Variants in REEP5 observed in about 807,000 individuals in gnomAD.
REEP5 encodes receptor expression-enhancing protein 5.
A neutral mutation model predicts 22.4 loss-of-function variants in REEP5; 24 were observed. That is an observed-to-expected ratio of 1.07 (90% confidence interval 0.78 to 1.51). REEP5 has a LOEUF of 1.51. REEP5 is among the 40% of genes most tolerant of loss of function. REEP5 has a pLI of 0.00. For missense variants in REEP5, 252 were observed against 233.0 expected, an observed-to-expected ratio of 1.08 and a Z score of -0.53; for synonymous variants, 103 against 88.6, an observed-to-expected ratio of 1.16 and a Z score of -0.92.
In REEP5 at chr5:112,876,905, A is replaced by ACTT. The variant is rs1767911400; in HGVS notation, c.*1878_*1880dup. 6.6e-6 allele frequency: 1 copy of ACTT among 152,164 alleles called. No individual in the cohort carries two copies. Among genetic ancestry groups the ACTT allele is most frequent in the African/African-American group, 2.4e-5 (1 of 41,452 alleles). 9.4% of individuals were successfully genotyped at this position (152,164 alleles called of 1,614,324 possible). A position where few individuals can be genotyped will look rare whatever the true frequency, so the allele number is the denominator to read the frequency against. ...CTGTAAGTCATTATGAGCAATAGTAACTTTTGTACCTCCTCATCTTGTCTG... is the reference window on the plus strand; with the variant it reads ...CTGTAAGTCATTATGAGCAATAGTAACTTCTTTTGTACCTCCTCATCTTGTCTG... On this transcript the variant is annotated 3_prime_UTR_variant, in exon 5 of 5. Transcript: ENST00000379638.
chr5:112,892,171 C>T (rs781707380), intron 3 of REEP5: 35 of 1,614,062 alleles, frequency 2.2e-5, no homozygotes, highest in Non-Finnish European at 2.8e-5. Flanking sequence ...AGCTAATTGT[C>T]CCTTCTACAG....
Position 112,922,037 on chromosome 5 carries a change from TGGCCCTACCAGCGGCGGCGACCCCC to T in REEP5, c.118+11_118+35del. On this transcript the variant is annotated intron_variant, in intron 1 of 4. Coordinates refer to ENST00000379638, the MANE Select transcript of REEP5 (RefSeq NM_005669.5). ...GCAGCTGGGGCAGCGGCGGCTCCCG[TGGCCCTACCAGCGGCGGCGACCCCC>T]GGCCACCCACCAAGAGCGATGAAGC... The T allele has an allele frequency of 6.4e-7, 1 of 1,573,622 alleles. No homozygotes were observed. Among genetic ancestry groups the T allele is most frequent in the Non-Finnish European group, 8.6e-7 (1 of 1,161,006 alleles).
intron 2 of REEP5, among the ~76,000 whole-genome samples, chr5:112,906,940 G>C (rs1219099882): frequency 1.3e-5 from 2 of 152,298 alleles, no homozygotes; most frequent in East Asian, 3.9e-4. Context: ...GGCCAAAAGA[G>C]AAGAAAAGTT....
At position 112,889,299 on chromosome 5, in the gene REEP5, T is replaced by C. The variant is rs187516038; in HGVS notation, c.352-2116A>G. Among the ~76,000 whole-genome samples, 13 of 151,040 alleles carry C rather than the reference T, an allele frequency of 8.6e-5. 2 individuals are homozygous for C. In the East Asian group the frequency reaches 2.0e-3, roughly 23 times the overall value. On this transcript the variant is annotated intron_variant, in intron 3 of 4. Transcript: ENST00000379638. ...TTTTATAAAACCCCAAAACTATAGC[T>C]GTATGCTTAAGAAACATACCTACAA...
chr5:112,919,021 G>A (rs563151448), intron 2 of REEP5, among the ~76,000 whole-genome samples: 3 of 152,334 alleles, frequency 2.0e-5, no homozygotes, highest in African/African-American at 7.2e-5. Flanking sequence ...TATCTAAAGT[G>A]CTACCACAGT....
At chr5:112,891,628 G>C in intron 3 of REEP5, 2 of 1,592,304 alleles carry the variant, frequency 1.3e-6, no homozygotes, top group South Asian at 1.1e-5. Context: ...GGGGTCAGGC[G>C]GTGCTGGCAA....
rs553914342 is a variant in REEP5, at chr5:112,878,834, C to T, written c.522G>A (p.Ala174=). ...CCAGTAAATTCACGGTAGCTTTCTT[C>T]GCTGTTTGTTTGTTAGGAGGGAAAG... The part of the protein sequence containing the change: ...KETADAITKE[A]KKATVNLLGE... The change falls in exon 5 of 5, where the codon GCG becomes GCA. Residue 174 remains alanine, a splice_region_variant and synonymous_variant. Transcript: ENST00000379638. 1.8e-5 allele frequency: 29 copies of T among 1,613,832 alleles called. No homozygotes were observed. The highest frequency in any genetic ancestry group is 1.6e-4 in the Middle Eastern group (1 of 6,084).
At chr5:112,885,885 A>C (rs906262577) in intron 4 of REEP5, 1 of 193,780 alleles carries the variant, frequency 5.2e-6, no homozygotes, top group African/African-American at 2.4e-5. Flanking sequence ...GTGAAGGAAG[A>C]CTTTGTGGAA....
chr5:112,910,942 T>C (rs990641098), intron 2 of REEP5, among the ~76,000 whole-genome samples: 1 of 152,224 alleles, frequency 6.6e-6, no homozygotes, highest in Non-Finnish European at 1.5e-5. Flanking sequence ...AAATCCACCA[T>C]GGTAATCCCA....
intron 3 of REEP5, 108 bp downstream of exon 3, chr5:112,902,272 G>C (rs1204566661): frequency 1.8e-6 from 2 of 1,139,112 alleles, no homozygotes; most frequent in Non-Finnish European, 2.4e-6. Flanking sequence ...CTGTCTTCTT[G>C]TTTATAATCT....
intron 2 of REEP5, among the ~76,000 whole-genome samples, chr5:112,904,037 G>T (rs1204445142): frequency 6.6e-6 from 1 of 152,120 alleles, no homozygotes; most frequent in Non-Finnish European, 1.5e-5. Context: ...TCACTGTGTT[G>T]CCCAGGCTGG....
rs1034569870 is a variant in REEP5 at position 112,878,689 on chromosome 5, G to C, written c.*97C>G. 6.6e-7 allele frequency: 1 copy of C among 1,518,426 alleles called. No homozygotes were observed. Among genetic ancestry groups the C allele is most frequent in the African/African-American group, 1.4e-5 (1 of 71,184 alleles). 94.1% of individuals were successfully genotyped at this position (1,518,426 alleles called of 1,614,324 possible). A position where few individuals can be genotyped will look rare whatever the true frequency, so the allele number is the denominator to read the frequency against. On this transcript the variant is annotated 3_prime_UTR_variant, in exon 5 of 5. Transcript: ENST00000379638. Reference sequence around the variant, plus strand: ...TTAATATCTCAAAAATGTTTCCAAGGCAACATTATTAAAATAATTATACCA... The same window carrying C: ...TTAATATCTCAAAAATGTTTCCAAGCCAACATTATTAAAATAATTATACCA...
chr5:112,904,461 T>C, intron 2 of REEP5, among the ~76,000 whole-genome samples: 1 of 152,224 alleles, frequency 6.6e-6, no homozygotes, highest in East Asian at 1.9e-4. Context: ...TACATTTCAC[T>C]CAAGGTCTTA....
chr5:112,910,159 C>T (rs1250673248), intron 2 of REEP5, among the ~76,000 whole-genome samples: 1 of 152,066 alleles, frequency 6.6e-6, no homozygotes, highest in Non-Finnish European at 1.5e-5. Context: ...AAAAATTAGC[C>T]AGGCATAGTG....
chr5:112,903,902 C>G (rs79633516), intron 2 of REEP5, among the ~76,000 whole-genome samples: 7,930 of 152,234 alleles, frequency 0.052, 512 homozygotes, highest in East Asian at 0.16. Flanking sequence ...ACAATAATAG[C>G]TCACTGCAAC....
chr5:112,892,752 G>C, intron 3 of REEP5: 1 of 1,614,030 alleles, frequency 6.2e-7, no homozygotes, highest in South Asian at 1.1e-5. Flanking sequence ...GGAGGGAGAA[G>C]ATGGGCCACC....
chr5:112,891,921 G>T, intron 3 of REEP5: 1 of 1,281,492 alleles, frequency 7.8e-7, no homozygotes, highest in Non-Finnish European at 1.1e-6. Context: ...TCAGAATAAA[G>T]AAGGAAAAGG....
rs1056960211 is a variant in REEP5 at position 112,877,618 on chromosome 5, G to A, written c.*1168C>T. 6.6e-6 allele frequency: 1 copy of A among 152,074 alleles called. No homozygotes were observed. The highest frequency in any genetic ancestry group is 2.4e-5 in the African/African-American group (1 of 41,404). The allele number at this position is 152,074 out of a possible 1,614,324, so 9.4% of individuals were successfully genotyped here. A position where few individuals can be genotyped will look rare whatever the true frequency, so the allele number is the denominator to read the frequency against. On this transcript the variant is annotated 3_prime_UTR_variant, in exon 5 of 5. Transcript: ENST00000379638. ...AAGCCTCTTGTGTTTGACCTTAAAG[G>A]CCAGAGAAAAACTGAAGATAGATTG...
chr5:112,881,768 A>ATTAT (rs1381147293), intron 4 of REEP5, among the ~76,000 whole-genome samples: 2 of 151,702 alleles, frequency 1.3e-5, no homozygotes, highest in Non-Finnish European at 2.9e-5. Flanking sequence ...CACTACTCCT[A>ATTAT]TTATTTATTT....
Sources: allele counts gnomAD v4.1 joint callset (sites outside exome capture counted in the v4.1 genomes callset), GRCh38; gene constraint gnomAD v4.1.1; transcripts MANE v1.5; gene names NCBI Gene and HGNC (gene_info 2026-07-23, HGNC 2026-07-21).